RBM18: variants seen among roughly 807,000 people sequenced by gnomAD.
RBM18 encodes the protein RNA binding motif protein 18, also known as probable RNA-binding protein 18.
In RBM18, 18 loss-of-function variants were observed where a neutral mutation model predicts 26.4. The ratio of observed to expected loss-of-function variants is 0.68; its 90% CI spans 0.47 to 1.01. The LOEUF (loss-of-function observed/expected upper bound fraction) is 1.01, where lower values mean the gene tolerates loss of function less well. Among genes scored for constraint, RBM18 ranks in the 50% least tolerant of loss-of-function variants. The pLI is 0.00. For synonymous variants in RBM18, 74 were observed against 81.1 expected (o/e 0.91, Z 0.47); for missense variants, 180 against 219.2 (o/e 0.82, Z 1.13).
intron 2 of RBM18, among the ~76,000 whole-genome samples, chr9:122,259,857 C>T (rs1831758169): frequency 6.6e-6 from 1 of 152,026 alleles, no homozygotes. Flanking sequence ...CCATGCCTGG[C>T]TAATTTTTTC....
chr9:122,243,963 G>T, intron 5 of RBM18: 1 of 631,462 alleles, frequency 1.6e-6, no homozygotes, highest in Non-Finnish European at 2.0e-6. Context: ...ATTGTAACAT[G>T]AAGACCACCA....
At chr9:122,253,799 G>A (rs1388791369) in intron 2 of RBM18, among the ~76,000 whole-genome samples, 1 of 151,754 alleles carries the variant, frequency 6.6e-6, no homozygotes, top group East Asian at 1.9e-4. Context: ...GCCGAGGTGG[G>A]TGGATTGCCT....
intron 2 of RBM18, among the ~76,000 whole-genome samples, chr9:122,252,700 C>A (rs969852968): frequency 3.3e-5 from 5 of 152,212 alleles, no homozygotes; most frequent in African/African-American, 1.2e-4. Context: ...AACTAACCAA[C>A]CTCAGTTGCC....
At chr9:122,253,004 C>G (rs1831628981) in intron 2 of RBM18, among the ~76,000 whole-genome samples, 1 of 152,162 alleles carries the variant, frequency 6.6e-6, no homozygotes, top group South Asian at 2.1e-4. Flanking sequence ...CTTTGGCCTT[C>G]CTCCTGGCAT....
At chr9:122,264,234 A>T (rs1222200355) in intron 1 of RBM18, among the ~76,000 whole-genome samples, 2 of 152,186 alleles carry the variant, frequency 1.3e-5, no homozygotes, top group Non-Finnish European at 2.9e-5. Flanking sequence ...TCGTCTCACG[A>T]GGTCGTTGTG....
chr9:122,263,010 A>T (rs747610322), intron 1 of RBM18, among the ~76,000 whole-genome samples: 1 of 152,178 alleles, frequency 6.6e-6, no homozygotes, highest in Non-Finnish European at 1.5e-5. Flanking sequence ...GATGTGAAAT[A>T]AAGCTTTAGG....
At chr9:122,243,745 G>A (rs1330871377) in intron 5 of RBM18, 7 of 985,172 alleles carry the variant, frequency 7.1e-6, no homozygotes, top group Middle Eastern at 5.2e-4. Flanking sequence ...ATATATTACC[G>A]AGATGCATTC....
At position 122,254,919 on chromosome 9, in the gene RBM18, AG is replaced by A. The variant is rs1564457853; in HGVS notation, c.114-2947del. On this transcript the variant is annotated intron_variant, in intron 2 of 5. Coordinates refer to ENST00000417201, the MANE Select transcript of RBM18 (RefSeq NM_033117.4). ...TGGTTAAGGAGAGCTTTGTGAAAGGAGTGATATCTGACTGGGTTGTGTCAGT... is the reference window on the plus strand; with the variant it reads ...TGGTTAAGGAGAGCTTTGTGAAAGGATGATATCTGACTGGGTTGTGTCAGT... Among the ~76,000 whole-genome samples the A allele has an allele frequency of 9.0e-4, 136 of 151,580 alleles. 2 individuals are homozygous for A. The East Asian group carries it at 0.02, about 23-fold the overall frequency.
At chr9:122,251,746 C>T (rs1831608888) in intron 3 of RBM18, 101 bp downstream of exon 3, 2 of 1,064,564 alleles carry the variant, frequency 1.9e-6, no homozygotes, top group Admixed American at 4.2e-5. Context: ...AGACATGGCT[C>T]CTGCCTACAG....
chr9:122,253,552 T>C (rs1831639486), intron 2 of RBM18, among the ~76,000 whole-genome samples: 1 of 152,124 alleles, frequency 6.6e-6, no homozygotes, highest in African/African-American at 2.4e-5. Flanking sequence ...TGGTTTTACT[T>C]GACTTTTTGA....
intron 2 of RBM18, among the ~76,000 whole-genome samples, chr9:122,256,993 A>G (rs542418280): frequency 6.6e-6 from 1 of 152,354 alleles, no homozygotes; most frequent in African/African-American, 2.4e-5. Flanking sequence ...AGAATGCATC[A>G]TCACTCCCTC....
intron 5 of RBM18, among the ~76,000 whole-genome samples, chr9:122,244,924 T>C (rs537046761): frequency 2.8e-4 from 42 of 152,302 alleles, no homozygotes; most frequent in Admixed American, 4.6e-4. Context: ...TAATGACAAA[T>C]GCCAAAGAGA....
At chr9:122,257,557 T>A (rs902039556) in intron 2 of RBM18, among the ~76,000 whole-genome samples, 1 of 152,104 alleles carries the variant, frequency 6.6e-6, no homozygotes, top group Admixed American at 6.6e-5. Context: ...CTGATAGACA[T>A]CCTAGTGTAA....
intron 4 of RBM18, among the ~76,000 whole-genome samples, chr9:122,246,340 A>G (rs1831505254): frequency 6.6e-6 from 1 of 152,222 alleles, no homozygotes; most frequent in Non-Finnish European, 1.5e-5. Context: ...AAAAGCAAAT[A>G]TAATATTGAA....
chr9:122,264,340 A>G (rs1285099331), intron 1 of RBM18, among the ~76,000 whole-genome samples: 1 of 152,264 alleles, frequency 6.6e-6, no homozygotes, highest in East Asian at 1.9e-4. Flanking sequence ...GGGACTATCA[A>G]AATGCTTTGC....
intron 2 of RBM18, among the ~76,000 whole-genome samples, chr9:122,256,840 G>A (rs1353152680): frequency 6.6e-6 from 1 of 152,160 alleles, no homozygotes; most frequent in Non-Finnish European, 1.5e-5. Flanking sequence ...GACTCATGCA[G>A]TCTAGAGCTA....
chr9:122,245,285 TGAG>T lies in RBM18; in HGVS notation c.381_383del (p.Ser129del). 6.2e-7 allele frequency: 1 copy of T among 1,610,050 alleles called. No homozygotes were observed. Among genetic ancestry groups the T allele is most frequent in the Non-Finnish European group, 8.5e-7 (1 of 1,176,264 alleles). On this transcript the variant is annotated inframe_deletion, in exon 5 of 6. Coordinates refer to ENST00000417201, the MANE Select transcript of RBM18 (RefSeq NM_033117.4). Reference sequence around the variant, plus strand: ...GGTTAGACTGAGTAGGCTCAGTGCTTGAGGATGGCTCGAGACTGATTGGAAGAA... The same window carrying T: ...GGTTAGACTGAGTAGGCTCAGTGCTTGATGGCTCGAGACTGATTGGAAGAA...
intron 5 of RBM18, 95 bp downstream of exon 5, chr9:122,245,161 G>A (rs1831484707): frequency 2.7e-6 from 2 of 749,936 alleles, no homozygotes; most frequent in Admixed American, 2.1e-5. Flanking sequence ...AATTCTAAGA[G>A]TCTGAAGACT....
At chr9:122,260,979 G>A (rs1831783400) in intron 2 of RBM18, among the ~76,000 whole-genome samples, 1 of 152,016 alleles carries the variant, frequency 6.6e-6, no homozygotes, top group African/African-American at 2.4e-5. Context: ...ATGAATTACA[G>A]TCAAGTGGTC....
Sources: gnomAD v4.1 joint callset for allele counts (sites outside exome capture counted in the v4.1 genomes callset) on GRCh38, gnomAD v4.1.1 for gene constraint, MANE v1.5 for transcripts, NCBI Gene and HGNC (gene_info 2026-07-23, HGNC 2026-07-21) for gene names.